DLG2: variants seen among roughly 807,000 people sequenced by gnomAD.
DLG2 encodes the protein disks large homolog 2.
DLG2 carries 45 observed loss-of-function variants against 132.5 expected under a neutral mutation model. That is an observed-to-expected ratio of 0.34 (90% CI 0.27 to 0.44). The LOEUF (loss-of-function observed/expected upper bound fraction) is 0.44, where lower values mean the gene tolerates loss of function less well. Among genes scored for constraint, DLG2 ranks in the 20% least tolerant of loss-of-function variants. DLG2 has a pLI of 1.00. For missense variants in DLG2, 1,045 were observed against 1,196.9 expected (o/e 0.87, Z 1.87); for synonymous variants, 424 against 419.6 (o/e 1.01, Z -0.13).
At chr11:83,634,953 C>T (rs2064414813) in intron 18 of DLG2, among the ~76,000 whole-genome samples, 1 of 152,206 alleles carries the variant, frequency 6.6e-6, no homozygotes, top group South Asian at 2.1e-4. Context: ...ATAAATAAGT[C>T]CTAAATGATT....
At chr11:84,134,403 A>G (rs548996388) in intron 9 of DLG2, among the ~76,000 whole-genome samples, 10 of 152,250 alleles carry the variant, frequency 6.6e-5, no homozygotes, top group Admixed American at 6.6e-4. Flanking sequence ...AGTGCTATTT[A>G]TTAAAGCCTA....
chr11:84,440,093 G>T (rs1410869113), intron 7 of DLG2, among the ~76,000 whole-genome samples: 2 of 152,152 alleles, frequency 1.3e-5, no homozygotes, highest in African/African-American at 2.4e-5. Context: ...TTGCCTTTAT[G>T]TTGAACCTTT....
At chr11:83,895,289 A>G (rs534656604) in intron 15 of DLG2, among the ~76,000 whole-genome samples, 2 of 151,996 alleles carry the variant, frequency 1.3e-5, no homozygotes, top group East Asian at 1.9e-4. Flanking sequence ...CCTCCCGAGT[A>G]GCTGGGATTA....
intron 3 of DLG2, among the ~76,000 whole-genome samples, chr11:85,396,116 T>C (rs531284454): frequency 5.9e-5 from 9 of 152,352 alleles, no homozygotes; most frequent in East Asian, 1.9e-4. Flanking sequence ...CCGCTGGTGA[T>C]ACCCAGTCAA....
chr11:84,117,266 C>T (rs2093679204), intron 9 of DLG2, among the ~76,000 whole-genome samples: 1 of 152,176 alleles, frequency 6.6e-6, no homozygotes, highest in African/African-American at 2.4e-5. Context: ...ATTTTCTAGC[C>T]TGCTTTAGTT....
intron 3 of DLG2, among the ~76,000 whole-genome samples, chr11:85,440,996 T>G (rs2091751285): frequency 6.6e-6 from 1 of 152,200 alleles, no homozygotes. Context: ...ATTTTGATAT[T>G]TGGGCATTTT....
chr11:84,392,314 G>C (rs1459846720), intron 7 of DLG2, among the ~76,000 whole-genome samples: 1 of 152,136 alleles, frequency 6.6e-6, no homozygotes, highest in African/African-American at 2.4e-5. Flanking sequence ...CAATATTTCA[G>C]TTTTGAATTA....
chr11:85,314,662 G>A (rs1290711808), intron 3 of DLG2, among the ~76,000 whole-genome samples: 1 of 151,920 alleles, frequency 6.6e-6, no homozygotes, highest in Non-Finnish European at 1.5e-5. Flanking sequence ...TACTACAGAA[G>A]AAAATGAGCA....
chr11:85,619,559 T>C (rs894796578), intron 2 of DLG2, among the ~76,000 whole-genome samples: 4 of 151,950 alleles, frequency 2.6e-5, no homozygotes, highest in African/African-American at 4.8e-5. Flanking sequence ...TGCAGCCATA[T>C]GCAGTGGCTC....
chr11:85,090,108 C>T (rs2068528221), intron 6 of DLG2, among the ~76,000 whole-genome samples: 1 of 152,088 alleles, frequency 6.6e-6, no homozygotes, highest in Non-Finnish European at 1.5e-5. Flanking sequence ...AGATTAGGCA[C>T]ACATGTATAT....
chr11:85,546,728 C>G (rs2076349423), intron 3 of DLG2, among the ~76,000 whole-genome samples: 1 of 151,020 alleles, frequency 6.6e-6, no homozygotes, highest in Non-Finnish European at 1.5e-5. Context: ...TTGCATTGAT[C>G]CTTTTTCCAT....
chr11:84,938,666 C>T (rs2049028398), intron 6 of DLG2, among the ~76,000 whole-genome samples: 1 of 152,028 alleles, frequency 6.6e-6, no homozygotes, highest in Non-Finnish European at 1.5e-5. Flanking sequence ...TTTCCATTGG[C>T]AAAATGTATA....
chr11:84,913,535 G>C (rs187265599), intron 6 of DLG2, among the ~76,000 whole-genome samples: 1 of 152,040 alleles, frequency 6.6e-6, no homozygotes, highest in Non-Finnish European at 1.5e-5. Flanking sequence ...CTATTATGCA[G>C]CCACTTTAAA....
At chr11:85,304,933 A>G (rs920120065) in intron 3 of DLG2, among the ~76,000 whole-genome samples, 1 of 152,206 alleles carries the variant, frequency 6.6e-6, no homozygotes, top group African/African-American at 2.4e-5. Flanking sequence ...TCTTCTCCCT[A>G]TTAGAACATA....
chr11:83,715,409 C>T (rs1485954786), intron 18 of DLG2, among the ~76,000 whole-genome samples: 1 of 152,094 alleles, frequency 6.6e-6, no homozygotes, highest in Non-Finnish European at 1.5e-5. Flanking sequence ...AAAGGGATTC[C>T]TTGCATTCAA....
chr11:84,184,480 A>C (rs2096232201), intron 8 of DLG2, among the ~76,000 whole-genome samples: 2 of 152,024 alleles, frequency 1.3e-5, no homozygotes, highest in African/African-American at 4.8e-5. Context: ...GCCCTTTGTC[A>C]GATGAGTAGA....
At chr11:83,888,205 C>T (rs1168761042) in intron 15 of DLG2, among the ~76,000 whole-genome samples, 21 of 151,964 alleles carry the variant, frequency 1.4e-4, no homozygotes, top group Admixed American at 7.9e-4. Flanking sequence ...AAAACCCCAT[C>T]GTCTCAGCCC....
chr11:85,493,150 G>A (rs778753162), intron 3 of DLG2, among the ~76,000 whole-genome samples: 1 of 152,154 alleles, frequency 6.6e-6, no homozygotes, highest in African/African-American at 2.4e-5. Flanking sequence ...CTGATGAGTT[G>A]ATTAAAGTAC....
intron 16 of DLG2, among the ~76,000 whole-genome samples, chr11:83,840,228 A>G (rs2057244032): frequency 6.6e-6 from 1 of 152,224 alleles, no homozygotes; most frequent in South Asian, 2.1e-4. Context: ...CATGTTTTAC[A>G]GTGTGTCATA....
Sources: gnomAD v4.1 joint callset for allele counts (sites outside exome capture counted in the v4.1 genomes callset) on GRCh38, gnomAD v4.1.1 for gene constraint, MANE v1.5 for transcripts, NCBI Gene and HGNC (gene_info 2026-07-23, HGNC 2026-07-21) for gene names.